The following TNFRSF10A variants were observed in gnomAD, a reference collection of about 807,000 sequenced individuals.
The protein encoded by TNFRSF10A is tumor necrosis factor receptor superfamily member 10A.
In TNFRSF10A, 44 loss-of-function variants were observed where a neutral mutation model predicts 42.8. The observed-to-expected ratio is 1.03, with a 90% CI of 0.81 to 1.32. The LOEUF (loss-of-function observed/expected upper bound fraction) is 1.32, where lower values mean the gene tolerates loss of function less well. TNFRSF10A is among the 40% of genes most tolerant of loss of function. The pLI, the probability that TNFRSF10A is intolerant of heterozygous loss-of-function variation, is 0.00. For synonymous variants in TNFRSF10A, 259 were observed against 234.2 expected, an observed-to-expected ratio of 1.11 and a Z score of -0.97; for missense variants, 680 against 602.0, an observed-to-expected ratio of 1.13 and a Z score of -1.36.
At chr8:23,216,483 C>T (rs1249694479) in intron 1 of TNFRSF10A, among the ~76,000 whole-genome samples, 1 of 152,170 alleles carries the variant, frequency 6.6e-6, no homozygotes, top group African/African-American at 2.4e-5. Flanking sequence ...GTGGCTCACG[C>T]CTGTAATCCC....
intron 1 of TNFRSF10A, among the ~76,000 whole-genome samples, chr8:23,212,793 A>C (rs1427866030): frequency 6.6e-6 from 1 of 152,222 alleles, no homozygotes; most frequent in Admixed American, 6.5e-5. Context: ...GCCACATATG[A>C]AAAGCCAACA....
At chr8:23,192,057 C>A in intron 9 of TNFRSF10A, 44 bp from the exon 10 acceptor site, 1 of 1,574,914 alleles carries the variant, frequency 6.3e-7, no homozygotes, top group South Asian at 1.1e-5. Context: ...AGTTGGGACT[C>A]AGTTCAGAAG....
At chr8:23,218,066 C>T (rs1365574919) in intron 1 of TNFRSF10A, among the ~76,000 whole-genome samples, 1 of 152,008 alleles carries the variant, frequency 6.6e-6, no homozygotes, top group Non-Finnish European at 1.5e-5. Context: ...TTGTGGGCGT[C>T]TGATTAAGGG....
At chr8:23,201,153 A>C (rs996527503) in intron 4 of TNFRSF10A, among the ~76,000 whole-genome samples, 22 of 152,150 alleles carry the variant, frequency 1.4e-4, no homozygotes, top group African/African-American at 4.6e-4. Context: ...CCTCGCCCCC[A>C]CCTGTCTGCT....
chr8:23,217,586 C>A (rs766827584), intron 1 of TNFRSF10A, among the ~76,000 whole-genome samples: 5 of 152,150 alleles, frequency 3.3e-5, no homozygotes, highest in Non-Finnish European at 7.4e-5. Flanking sequence ...GAAAACCTGA[C>A]AACGAGCTCC....
At chr8:23,214,225 T>C (rs1365423585) in intron 1 of TNFRSF10A, among the ~76,000 whole-genome samples, 2 of 151,988 alleles carry the variant, frequency 1.3e-5, no homozygotes, top group Admixed American at 6.6e-5. Flanking sequence ...CAGTGGCTCA[T>C]GCCTGTAATC....
chr8:23,207,033 T>A, intron 2 of TNFRSF10A: 1 of 432,628 alleles, frequency 2.3e-6, no homozygotes, highest in Non-Finnish European at 4.4e-6. Flanking sequence ...AAAAAAAGAA[T>A]ATCCATACAT....
At chr8:23,200,388 G>C (rs991737873) in intron 6 of TNFRSF10A, 117 bp downstream of exon 6, 45 of 1,152,148 alleles carry the variant, frequency 3.9e-5, no homozygotes, top group Non-Finnish European at 5.6e-5. Context: ...CAAGGAGGAA[G>C]ATAGAGCCCG....
In TNFRSF10A at chr8:23,212,245, G is replaced by A. The variant is rs754457914; in HGVS notation, c.307-33C>T. On this transcript the variant is annotated intron_variant, in intron 1 of 9. Coordinates refer to ENST00000221132, the MANE Select transcript of TNFRSF10A (RefSeq NM_003844.4). Reference sequence around the variant, plus strand: ...GACAAAGCAGGGACTGGCATGAGTGGCTTCCAGATCTCACCCATTACAAGA... The same window carrying A: ...GACAAAGCAGGGACTGGCATGAGTGACTTCCAGATCTCACCCATTACAAGA... 21 of 1,580,100 alleles carry A rather than the reference G, an allele frequency of 1.3e-5. No homozygotes were observed. The East Asian group carries it at 1.4e-4, about 10-fold the overall frequency.
chr8:23,209,589 T>C (rs1476046227), intron 2 of TNFRSF10A, among the ~76,000 whole-genome samples: 1 of 152,142 alleles, frequency 6.6e-6, no homozygotes, highest in African/African-American at 2.4e-5. Flanking sequence ...TCAAACGAGA[T>C]CATTTTGGAG....
Position 23,202,703 on chromosome 8 carries a change from G to A in TNFRSF10A, c.462C>T (p.Tyr154=). 6.2e-7 allele frequency: 1 copy of A among 1,614,050 alleles called. No homozygotes were observed. The highest frequency in any genetic ancestry group is 1.1e-5 in the South Asian group (1 of 91,080). The change falls in exon 3 of 10, where the codon TAC becomes TAT. Residue 154 remains tyrosine (Y), a synonymous_variant. Transcript: ENST00000221132. ...CAAACAAATTGTTGGAAGCATTGGT[G>A]TAACCCACACCCTCTGTGCACCGGT... ...ACNRCTEGVG[Y]TNASNNLFAC...
rs200208960 is a variant in TNFRSF10A, at chr8:23,199,222, A to G, written c.1014+44T>C. 1.6e-5 allele frequency: 26 copies of G among 1,586,648 alleles called. No homozygotes were observed. In the African/African-American group the frequency reaches 3.4e-4, roughly 21 times the overall value. On this transcript the variant is annotated intron_variant, in intron 8 of 9. Coordinates refer to ENST00000221132, the MANE Select transcript of TNFRSF10A (RefSeq NM_003844.4). ...CCAGGAGAGCCGAGGCATGGCCTTC[A>G]CCCCCTGCCTACAAGGTCTTGGAGG...
chr8:23,223,290 C>T (rs1484572559), intron 1 of TNFRSF10A, among the ~76,000 whole-genome samples: 1 of 152,172 alleles, frequency 6.6e-6, no homozygotes, highest in Non-Finnish European at 1.5e-5. Context: ...TCGTCTCGAT[C>T]TCCTGACCTC....
chr8:23,191,797 A>G lies in TNFRSF10A; in HGVS notation c.1304T>C (p.Met435Thr), dbSNP rs1247587405. The G allele has an allele frequency of 6.8e-6, 11 of 1,613,922 alleles. No homozygotes were observed. Among genetic ancestry groups the G allele is most frequent in the Non-Finnish European group, 3.4e-6 (4 of 1,180,006 alleles). ...IHTLLDALER[M>T]EERHAREKIQ... ...CTTCTCTCTTGCATGTCTCTCTTCC[A>G]TCCTCTCCAAGGCATCCAGCAGGGT... is the stretch of plus-strand genomic sequence containing the variant. Residue 435 changes from methionine (M) to threonine (T), a missense_variant, in exon 10 of 10, where the codon ATG becomes ACG. By Grantham distance (81) the Met-to-Thr change is moderately conservative. Coordinates refer to ENST00000221132, the MANE Select transcript of TNFRSF10A (RefSeq NM_003844.4).
chr8:23,210,056 T>C (rs1299314048), intron 2 of TNFRSF10A, among the ~76,000 whole-genome samples: 6 of 152,180 alleles, frequency 3.9e-5, no homozygotes, highest in South Asian at 2.1e-4. Flanking sequence ...TGATATCTGA[T>C]GGTTATTATA....
In TNFRSF10A at chr8:23,191,362, C is replaced by T; in HGVS notation, c.*332G>A. On this transcript the variant is annotated 3_prime_UTR_variant, in exon 10 of 10. Transcript: ENST00000221132. ...TTGCTCTGTGTCCCAGGCTGGAGTGCAGTGGTGCAATCTCAGCTCACTGCC... is the reference window on the plus strand; with the variant it reads ...TTGCTCTGTGTCCCAGGCTGGAGTGTAGTGGTGCAATCTCAGCTCACTGCC... The T allele has an allele frequency of 2.9e-6, 1 of 348,434 alleles. No homozygotes were observed. Among genetic ancestry groups the T allele is most frequent in the Non-Finnish European group, 5.2e-6 (1 of 192,798 alleles). 21.6% of individuals were successfully genotyped at this position (348,434 alleles called of 1,614,324 possible). A position where few individuals can be genotyped will look rare whatever the true frequency, so the allele number is the denominator to read the frequency against.
At chr8:23,213,878 T>C (rs1024184881) in intron 1 of TNFRSF10A, among the ~76,000 whole-genome samples, 1 of 152,232 alleles carries the variant, frequency 6.6e-6, no homozygotes, top group African/African-American at 2.4e-5. Context: ...TATGGTATAT[T>C]GTTTTCATTT....
chr8:23,191,768 G>C lies in TNFRSF10A; in HGVS notation c.1333C>G (p.Gln445Glu), dbSNP rs776497469. Residue 445 changes from glutamine to glutamate, a missense_variant, in exon 10 of 10, where the codon CAG (glutamine) becomes GAG (glutamate). Coordinates refer to ENST00000221132, the MANE Select transcript of TNFRSF10A (RefSeq NM_003844.4). The stretch of plus-strand genomic sequence containing the variant: ...TTTCCAGAGTCCACCAAGAGGTCCT[G>C]AATCTTCTCTCTTGCATGTCTCTCT... ...MEERHAREKIQDLLVDSGKFI... is the reference protein window; with the variant it reads ...MEERHAREKIEDLLVDSGKFI... 6.2e-7 allele frequency: 1 copy of C among 1,614,170 alleles called. No individual in the cohort carries two copies. The highest frequency in any genetic ancestry group is 8.5e-7 in the Non-Finnish European group (1 of 1,180,026).
intron 9 of TNFRSF10A, among the ~76,000 whole-genome samples, chr8:23,196,787 T>G (rs561534099): frequency 6.6e-6 from 1 of 152,318 alleles, no homozygotes; most frequent in African/African-American, 2.4e-5. Flanking sequence ...AAATTGGGCT[T>G]AGGCACAGAT....
Sources: gnomAD v4.1 joint callset for allele counts (sites outside exome capture counted in the v4.1 genomes callset) on GRCh38, gnomAD v4.1.1 for gene constraint, MANE v1.5 for transcripts, NCBI Gene and HGNC (gene_info 2026-07-23, HGNC 2026-07-21) for gene names.